The following CHST15 variants were observed in gnomAD, a reference collection of about 807,000 sequenced individuals.
CHST15 encodes B cell RAG associated protein (GALNAC4S-6ST).
Under a neutral mutation model 53.6 loss-of-function variants are expected in CHST15, and 30 were observed. The ratio of observed to expected loss-of-function variants is 0.56; its 90% CI spans 0.42 to 0.76. The LOEUF is 0.76. CHST15 is among the 30% of genes least tolerant of loss of function. The pLI, the probability that CHST15 is intolerant of heterozygous loss-of-function variation, is 0.00. For missense variants in CHST15, 627 were observed against 740.5 expected, an observed-to-expected ratio of 0.85 and a Z score of 1.78; for synonymous variants, 296 against 289.8, an observed-to-expected ratio of 1.02 and a Z score of -0.22.
At chr10:124,029,905 C>T (rs1476303990) in intron 5 of CHST15, among the ~76,000 whole-genome samples, 1 of 152,222 alleles carries the variant, frequency 6.6e-6, no homozygotes, top group African/African-American at 2.4e-5. Context: ...CTCCCTGATC[C>T]CAGCCCAGCG....
chr10:124,027,913 G>A lies in CHST15; in HGVS notation c.1191-6501C>T, dbSNP rs78984944. Among the ~76,000 whole-genome samples, 922 of 152,306 alleles carry A rather than the reference G, an allele frequency of 6.1e-3. 11 individuals are homozygous for A. The highest frequency in any genetic ancestry group is 0.021 in the African/African-American group (891 of 41,558). ...AGCTTAGGCAAGGAGACGAATCCAC[G>A]GCTGACTAGAGTGGGTGCTGGCCGT... is the stretch of plus-strand genomic sequence containing the variant. On this transcript the variant is annotated intron_variant, in intron 5 of 7. Coordinates refer to ENST00000435907, the MANE Select transcript of CHST15 (RefSeq NM_001270764.2).
intron 4 of CHST15, among the ~76,000 whole-genome samples, chr10:124,040,757 G>C (rs1947701743): frequency 6.6e-6 from 1 of 152,266 alleles, no homozygotes; most frequent in East Asian, 1.9e-4. Context: ...GCTGGCCCAA[G>C]CAGGGCTAGA....
intron 1 of CHST15, among the ~76,000 whole-genome samples, chr10:124,067,333 C>A (rs1464453765): frequency 6.6e-6 from 1 of 152,206 alleles, no homozygotes; most frequent in Admixed American, 6.5e-5. Context: ...AGTGCAGGTG[C>A]ACTTCTGTCC....
intron 1 of CHST15, among the ~76,000 whole-genome samples, chr10:124,076,661 C>T (rs1039257617): frequency 3.9e-5 from 6 of 152,220 alleles, no homozygotes; most frequent in African/African-American, 1.4e-4. Context: ...TGCTCAGAAA[C>T]ACCCTATACA....
chr10:124,053,981 G>A (rs114110776), intron 1 of CHST15, among the ~76,000 whole-genome samples: 1,837 of 152,140 alleles, frequency 0.012, 46 homozygotes, highest in African/African-American at 0.042. Context: ...AAGACACAAT[G>A]GCTGAAACAT....
At chr10:124,083,011 G>A (rs1949300273) in intron 1 of CHST15, among the ~76,000 whole-genome samples, 3 of 152,160 alleles carry the variant, frequency 2.0e-5, no homozygotes, top group Admixed American at 2.0e-4. Flanking sequence ...AATTAGCTGT[G>A]GTAGTGGTTG....
At chr10:124,041,831 G>A (rs1372447393) in intron 4 of CHST15, among the ~76,000 whole-genome samples, 1 of 152,166 alleles carries the variant, frequency 6.6e-6, no homozygotes, top group Admixed American at 6.5e-5. Flanking sequence ...AGTTATAGGC[G>A]ATGTGTCAGA....
Position 124,024,164 on chromosome 10 carries a change from G to A in CHST15, c.1191-2752C>T, listed in dbSNP as rs988645595. On this transcript the variant is annotated intron_variant, in intron 5 of 7. Transcript: ENST00000435907. The surrounding 1 kb of genome is among the most constrained non-coding windows in gnomAD (Gnocchi z 4.0). ...CCAGCCGCCATCCATACTTCCAAAC[G>A]CTCCCAGACCTTCAGCCACATACTA... Among the ~76,000 whole-genome samples the A allele has an allele frequency of 2.6e-5, 4 of 152,110 alleles. No individual in the cohort carries two copies. Among genetic ancestry groups the A allele is most frequent in the Admixed American group, 6.5e-5 (1 of 15,276 alleles).
At chr10:124,085,178 T>G (rs996153987) in intron 1 of CHST15, among the ~76,000 whole-genome samples, 36 of 152,240 alleles carry the variant, frequency 2.4e-4, no homozygotes, top group Admixed American at 6.5e-5. Context: ...CAGGACATAC[T>G]TTATATTTTT....
Position 124,008,977 on chromosome 10 carries a change from C to T in CHST15, c.*1172G>A. The stretch of plus-strand genomic sequence containing the variant: ...CTCTTAGAAACCTCATTCCAAATCT[C>T]AACACGCCACGTTCAGCCCAAGTTC... On this transcript the variant is annotated 3_prime_UTR_variant, in exon 8 of 8. Coordinates refer to ENST00000435907, the MANE Select transcript of CHST15 (RefSeq NM_001270764.2). The T allele has an allele frequency of 1.6e-6, 2 of 1,289,180 alleles. No individual in the cohort carries two copies. The highest frequency in any genetic ancestry group is 2.0e-6 in the Non-Finnish European group (2 of 988,702). The allele number at this position is 1,289,180 out of a possible 1,614,324, so 79.9% of individuals were successfully genotyped here.
intron 1 of CHST15, among the ~76,000 whole-genome samples, chr10:124,066,540 T>G (rs569515142): frequency 2.6e-4 from 39 of 151,782 alleles, no homozygotes; most frequent in African/African-American, 8.9e-4. Flanking sequence ...TGGGATTATT[T>G]TCCCCTTTGG....
At chr10:124,035,298 A>G (rs1334731696) in intron 5 of CHST15, among the ~76,000 whole-genome samples, 2 of 120,180 alleles carry the variant, frequency 1.7e-5, no homozygotes, top group Non-Finnish European at 1.7e-5. Context: ...TACCCCTGAT[A>G]GGTACCCCGG....
intron 4 of CHST15, 94 bp from the exon 5 acceptor site, chr10:124,038,765 C>A: frequency 7.4e-7 from 1 of 1,343,018 alleles, no homozygotes; most frequent in Non-Finnish European, 1.0e-6. Flanking sequence ...GCCCCGATGC[C>A]TTCCTCTTAA....
chr10:124,084,018 G>T (rs745666608), intron 1 of CHST15, among the ~76,000 whole-genome samples: 1 of 152,204 alleles, frequency 6.6e-6, no homozygotes, highest in Non-Finnish European at 1.5e-5. Context: ...TTCAGAGAGG[G>T]TGCCTAGGCA....
rs1946703413 is a variant in CHST15 at position 124,019,667 on chromosome 10, A to G, written c.1347+1589T>C. 5 of 570,734 alleles carry G rather than the reference A, an allele frequency of 8.8e-6. No individual in the cohort carries two copies. Among genetic ancestry groups the G allele is most frequent in the African/African-American group, 2.0e-5 (1 of 49,344 alleles). 35.4% of individuals were successfully genotyped at this position (570,734 alleles called of 1,614,324 possible). A position where few individuals can be genotyped will look rare whatever the true frequency, so the allele number is the denominator to read the frequency against. Reference sequence around the variant, plus strand: ...ACAAGTATGTGTGCTTTCTCGCGTTAGTCTTTTATTATAGGTGCCTCAGCC... The same window carrying G: ...ACAAGTATGTGTGCTTTCTCGCGTTGGTCTTTTATTATAGGTGCCTCAGCC... On this transcript the variant is annotated intron_variant, in intron 6 of 7. Transcript: ENST00000435907. This position sits in a 1 kb window ranked among gnomAD's most constrained non-coding sequence, Gnocchi z 4.6.
In CHST15 at chr10:124,008,344, TAC is replaced by T. The variant is rs376174591; in HGVS notation, c.*1803_*1804del. 6.3e-3 allele frequency: 6,292 copies of T among 1,000,568 alleles called. No homozygotes were observed. Among genetic ancestry groups the T allele is most frequent in the East Asian group, 0.014 (201 of 14,884 alleles). The allele number at this position is 1,000,568 out of a possible 1,614,324, so 62.0% of individuals were successfully genotyped here. On this transcript the variant is annotated 3_prime_UTR_variant, in exon 8 of 8. Coordinates refer to ENST00000435907, the MANE Select transcript of CHST15 (RefSeq NM_001270764.2). ...AGACGCACTCACCCACACGTGCGCG[TAC>T]ACACACACACACGCGCGCACTGTAC...
At chr10:124,079,995 C>T (rs1019589868) in intron 1 of CHST15, among the ~76,000 whole-genome samples, 1 of 152,186 alleles carries the variant, frequency 6.6e-6, no homozygotes, top group African/African-American at 2.4e-5. Context: ...CGTACCCCCT[C>T]AAGCATGTGC....
intron 1 of CHST15, among the ~76,000 whole-genome samples, chr10:124,064,897 T>C (rs1318016908): frequency 6.6e-6 from 1 of 152,176 alleles, no homozygotes; most frequent in East Asian, 1.9e-4. Flanking sequence ...TTGTGTGTGC[T>C]TGTCTGACTA....
intron 1 of CHST15, among the ~76,000 whole-genome samples, chr10:124,079,877 T>C (rs533306055): frequency 1.0e-3 from 156 of 152,350 alleles, no homozygotes; most frequent in African/African-American, 3.5e-3. Context: ...CTAGGCTGCA[T>C]GGAACTGTCA....
Sources: gnomAD v4.1 joint callset for allele counts (sites outside exome capture counted in the v4.1 genomes callset) on GRCh38, gnomAD v4.1.1 for gene constraint, Gnocchi (gnomAD v3.1) non-coding constraint, MANE v1.5 for transcripts, NCBI Gene and HGNC (gene_info 2026-07-23, HGNC 2026-07-21) for gene names.